Variants in AFG2A observed in about 807,000 individuals in gnomAD.
The protein encoded by AFG2A is AAA ATPase AFG2A.
the AFG2A span, among the ~76,000 whole-genome samples, chr4:123,127,398 A>G: frequency 6.6e-6 from 1 of 152,192 alleles, no homozygotes; most frequent in Non-Finnish European, 1.5e-5. Flanking sequence ...TAGTTCATTC[A>G]ACTATCTTAT....
At chr4:123,288,839 A>G in the AFG2A span, among the ~76,000 whole-genome samples, 2 of 151,980 alleles carry the variant, frequency 1.3e-5, no homozygotes, top group African/African-American at 4.8e-5. Flanking sequence ...TGTGGTTTCA[A>G]CCCCTGTCAC....
chr4:123,277,460 A>G, the AFG2A span, among the ~76,000 whole-genome samples: 8 of 152,006 alleles, frequency 5.3e-5, no homozygotes, highest in Non-Finnish European at 1.2e-4. Context: ...CTATTTGGAT[A>G]TCTTATTTCT....
chr4:122,936,152 C>G, the AFG2A span: 3 of 1,598,454 alleles, frequency 1.9e-6, no homozygotes, highest in South Asian at 1.1e-5. Flanking sequence ...TGAAGCCACT[C>G]TACGGTACTC....
chr4:123,018,080 G>A, the AFG2A span, among the ~76,000 whole-genome samples: 5 of 152,192 alleles, frequency 3.3e-5, no homozygotes, highest in Admixed American at 2.6e-4. Context: ...TTCTATGGGT[G>A]TACAGTTTGA....
At chr4:123,182,303 T>C in the AFG2A span, among the ~76,000 whole-genome samples, 3 of 152,210 alleles carry the variant, frequency 2.0e-5, no homozygotes, top group African/African-American at 7.2e-5. Flanking sequence ...TAATTCTTCA[T>C]AGTATAGCAT....
the AFG2A span, among the ~76,000 whole-genome samples, chr4:123,022,447 C>T: frequency 1.3e-5 from 2 of 151,830 alleles, no homozygotes; most frequent in South Asian, 4.2e-4. Context: ...GTCATCATCA[C>T]TGGCCATCAG....
At chr4:122,989,920 C>T in the AFG2A span, among the ~76,000 whole-genome samples, 25 of 152,098 alleles carry the variant, frequency 1.6e-4, no homozygotes, top group African/African-American at 5.3e-4. Flanking sequence ...TGCAGTGGTG[C>T]GACACGGCTC....
chr4:123,132,625 T>C, the AFG2A span, among the ~76,000 whole-genome samples: 1 of 150,414 alleles, frequency 6.6e-6, no homozygotes, highest in African/African-American at 2.4e-5. Flanking sequence ...TGTGCATATA[T>C]ATTTGCATGT....
At chr4:123,299,617 G>C in the AFG2A span, among the ~76,000 whole-genome samples, 1 of 152,126 alleles carries the variant, frequency 6.6e-6, no homozygotes, top group Non-Finnish European at 1.5e-5. Flanking sequence ...TTTCTGCTCA[G>C]TTACAAATGT....
the AFG2A span, among the ~76,000 whole-genome samples, chr4:123,167,653 G>C: frequency 6.6e-6 from 1 of 152,088 alleles, no homozygotes; most frequent in African/African-American, 2.4e-5. Context: ...GGCCACAGCT[G>C]TGTTTCTTAA....
chr4:123,252,134 A>G, the AFG2A span, among the ~76,000 whole-genome samples: 1 of 152,134 alleles, frequency 6.6e-6, no homozygotes, highest in African/African-American at 2.4e-5. Context: ...TCATATAGAA[A>G]CCTATACAAA....
At chr4:123,149,011 C>A in the AFG2A span, among the ~76,000 whole-genome samples, 4,389 of 152,156 alleles carry the variant, frequency 0.029, 86 homozygotes, top group Non-Finnish European at 0.036. Flanking sequence ...TCAGGTAATC[C>A]GCCTGCCTCG....
At chr4:122,967,419 A>G in the AFG2A span, among the ~76,000 whole-genome samples, 1 of 152,006 alleles carries the variant, frequency 6.6e-6, no homozygotes, top group Non-Finnish European at 1.5e-5. Flanking sequence ...AATCAGAGTA[A>G]CGGCATGTAA....
At chr4:123,092,604 A>G in the AFG2A span, among the ~76,000 whole-genome samples, 1 of 152,168 alleles carries the variant, frequency 6.6e-6, no homozygotes. Context: ...GTTAGTTCAC[A>G]TTTCTTAGGT....
the AFG2A span, chr4:122,947,248 C>G: frequency 6.3e-7 from 1 of 1,596,122 alleles, no homozygotes; most frequent in Non-Finnish European, 8.5e-7. Flanking sequence ...AAGTGAAGGA[C>G]AAGTGTTGGT....
At chr4:123,288,510 C>G in the AFG2A span, among the ~76,000 whole-genome samples, 2 of 152,164 alleles carry the variant, frequency 1.3e-5, no homozygotes, top group Non-Finnish European at 2.9e-5. Context: ...TCTTCTCTGC[C>G]ACATGAACAA....
the AFG2A span, among the ~76,000 whole-genome samples, chr4:123,298,273 A>AGAT: frequency 3.9e-5 from 6 of 152,196 alleles, no homozygotes; most frequent in African/African-American, 7.2e-5. Context: ...TGAAGCTGTG[A>AGAT]GATGTAAAAC....
chr4:123,294,201 C>T, the AFG2A span, among the ~76,000 whole-genome samples: 3 of 152,172 alleles, frequency 2.0e-5, no homozygotes, highest in Non-Finnish European at 1.5e-5. Context: ...CAAGTGCAAG[C>T]ACCAGCTCTG....
the AFG2A span, among the ~76,000 whole-genome samples, chr4:123,099,471 G>GT: frequency 6.6e-5 from 10 of 151,100 alleles, no homozygotes; most frequent in Admixed American, 2.6e-4. Context: ...TCTTTCAGTA[G>GT]TTTTTCAGTT....
Sources: allele counts gnomAD v4.1 joint callset (sites outside exome capture counted in the v4.1 genomes callset), GRCh38; gene constraint gnomAD v4.1.1; transcripts MANE v1.5; gene names NCBI Gene and HGNC (gene_info 2026-07-23, HGNC 2026-07-21).